Variants in KDM4C observed in about 807,000 individuals in gnomAD.
KDM4C encodes lysine demethylase 4C.
A neutral mutation model predicts 129.3 loss-of-function variants in KDM4C; 81 were observed. The ratio of observed to expected loss-of-function variants is 0.63; its 90% confidence interval spans 0.52 to 0.75. The LOEUF (loss-of-function observed/expected upper bound fraction) is 0.75, where lower values mean the gene tolerates loss of function less well. KDM4C is among the 30% of genes least tolerant of loss of function. The probability of loss-of-function intolerance (pLI) is 0.00; values close to 1 mark genes in which losing one functional copy is unlikely to be tolerated. For missense variants in KDM4C, 1,457 were observed against 1,304.0 expected, an observed-to-expected ratio of 1.12 and a Z score of -1.81; for synonymous variants, 573 against 456.1, an observed-to-expected ratio of 1.26 and a Z score of -3.26.
chr9:6,856,539 C>CGTGCGTGTGT (rs375228454), intron 5 of KDM4C, among the ~76,000 whole-genome samples: 20 of 131,596 alleles, frequency 1.5e-4, no homozygotes, highest in African/African-American at 5.5e-4. Context: ...TCTCTGTGTG[C>CGTGCGTGTGT]GTGTGTGTGT....
chr9:6,974,575 C>G (rs1273618606), intron 8 of KDM4C, among the ~76,000 whole-genome samples: 1 of 152,180 alleles, frequency 6.6e-6, no homozygotes, highest in Non-Finnish European at 1.5e-5. Flanking sequence ...CCAGGCTGGT[C>G]TCAAACTCCT....
At chr9:7,163,996 C>A (rs1305257483) in intron 19 of KDM4C, among the ~76,000 whole-genome samples, 1 of 152,154 alleles carries the variant, frequency 6.6e-6, no homozygotes, top group Admixed American at 6.5e-5. Flanking sequence ...TTATAAGGCA[C>A]AATTTCTATT....
intron 8 of KDM4C, among the ~76,000 whole-genome samples, chr9:6,951,091 A>G (rs1412495531): frequency 6.6e-6 from 1 of 152,098 alleles, no homozygotes; most frequent in Non-Finnish European, 1.5e-5. Flanking sequence ...GTACATAGTG[A>G]TGTTTTAATA....
intron 5 of KDM4C, among the ~76,000 whole-genome samples, chr9:6,874,217 G>A (rs2130701608): frequency 6.6e-6 from 1 of 152,332 alleles, no homozygotes; most frequent in East Asian, 1.9e-4. Flanking sequence ...GGTTAGCACT[G>A]CATTGCCATA....
chr9:7,023,031 T>G (rs184412793), intron 15 of KDM4C, among the ~76,000 whole-genome samples: 1 of 152,296 alleles, frequency 6.6e-6, no homozygotes, highest in Non-Finnish European at 1.5e-5. Context: ...TTTTAATGTG[T>G]TGTTGAATTT....
chr9:6,763,241 A>C (rs748190840), intron 1 of KDM4C, among the ~76,000 whole-genome samples: 1 of 152,000 alleles, frequency 6.6e-6, no homozygotes, highest in Admixed American at 6.6e-5. Flanking sequence ...TCTCCTTCCT[A>C]CCAAACTCAT....
At chr9:6,970,060 G>T (rs1831690188) in intron 8 of KDM4C, among the ~76,000 whole-genome samples, 1 of 152,186 alleles carries the variant, frequency 6.6e-6, no homozygotes, top group Non-Finnish European at 1.5e-5. Context: ...TGTTTGGCCA[G>T]TCTAGCTTCC....
chr9:6,820,764 G>A (rs1429726553), intron 4 of KDM4C, among the ~76,000 whole-genome samples: 1 of 141,034 alleles, frequency 7.1e-6, no homozygotes, highest in African/African-American at 2.7e-5. Context: ...GGATACATGT[G>A]CAACGTGCAG....
At chr9:7,054,782 G>A (rs1830647622) in intron 17 of KDM4C, among the ~76,000 whole-genome samples, 1 of 152,178 alleles carries the variant, frequency 6.6e-6, no homozygotes, top group African/African-American at 2.4e-5. Flanking sequence ...AGCCAGCAGA[G>A]CAGGTTTGTG....
intron 8 of KDM4C, among the ~76,000 whole-genome samples, chr9:6,918,606 A>G (rs112570883): frequency 0.013 from 1,942 of 152,258 alleles, 47 homozygotes; most frequent in African/African-American, 0.044. Flanking sequence ...ACAGCTTTCC[A>G]TAGTGGTTGA....
intron 8 of KDM4C, among the ~76,000 whole-genome samples, chr9:6,961,973 A>T (rs1186586710): frequency 6.6e-6 from 1 of 152,210 alleles, no homozygotes; most frequent in Admixed American, 6.5e-5. Context: ...TCACAAGTTC[A>T]TTTATAAATC....
chr9:7,011,558 G>T, intron 12 of KDM4C, 140 bp from the exon 13 acceptor site: 1 of 712,748 alleles, frequency 1.4e-6, no homozygotes. Flanking sequence ...GCTCTCTCAG[G>T]ATGTATTTGA....
At chr9:7,091,066 C>A (rs1011193202) in intron 17 of KDM4C, among the ~76,000 whole-genome samples, 3 of 152,116 alleles carry the variant, frequency 2.0e-5, no homozygotes, top group Admixed American at 1.3e-4. Context: ...GAAAACCCCC[C>A]CAAAACCTCC....
intron 5 of KDM4C, among the ~76,000 whole-genome samples, chr9:6,869,938 A>T (rs571642863): frequency 4.3e-4 from 65 of 152,382 alleles, no homozygotes; most frequent in Non-Finnish European, 8.1e-4. Flanking sequence ...TTAATCTTTA[A>T]TAAATGCACA....
At chr9:6,799,888 TTATTCA>T (rs1197066926) in intron 2 of KDM4C, among the ~76,000 whole-genome samples, 1 of 151,972 alleles carries the variant, frequency 6.6e-6, no homozygotes, top group African/African-American at 2.4e-5. Context: ...TGTAGTAAGG[TTATTCA>T]TATTCATATA....
chr9:6,957,487 C>T (rs1212768801), intron 8 of KDM4C, among the ~76,000 whole-genome samples: 1 of 152,082 alleles, frequency 6.6e-6, no homozygotes, highest in Non-Finnish European at 1.5e-5. Flanking sequence ...TTGTTAATAC[C>T]ACCATGATAT....
At chr9:7,043,942 C>T (rs929421290) in intron 15 of KDM4C, among the ~76,000 whole-genome samples, 7 of 151,894 alleles carry the variant, frequency 4.6e-5, no homozygotes, top group African/African-American at 1.5e-4. Flanking sequence ...CCTGTTTTGC[C>T]ATGTTTTGTT....
chr9:7,103,956 T>A, intron 18 of KDM4C, 86 bp downstream of exon 18: 1 of 1,154,468 alleles, frequency 8.7e-7, no homozygotes, highest in Non-Finnish European at 1.3e-6. Flanking sequence ...TAATGTGCTT[T>A]ATTCTGTAAT....
chr9:6,782,658 A>G (rs574958566), intron 1 of KDM4C, among the ~76,000 whole-genome samples: 279 of 152,242 alleles, frequency 1.8e-3, no homozygotes, highest in African/African-American at 6.5e-3. Flanking sequence ...AAAGGTTTCA[A>G]GTGGGCAAAA....
Sources: allele counts gnomAD v4.1 joint callset (sites outside exome capture counted in the v4.1 genomes callset), GRCh38; gene constraint gnomAD v4.1.1; transcripts MANE v1.5; gene names NCBI Gene and HGNC (gene_info 2026-07-23, HGNC 2026-07-21).